The following ADRA1B variants were observed in gnomAD, a reference collection of about 807,000 sequenced individuals.
ADRA1B encodes the protein alpha-1B adrenergic receptor.
ADRA1B carries 17 observed loss-of-function variants against 17.9 expected under a neutral mutation model. The observed-to-expected ratio is 0.95, with a 90% CI of 0.65 to 1.42. ADRA1B has a LOEUF of 1.42. Ranked by LOEUF, ADRA1B falls within the 40% of genes most tolerant of loss-of-function variation. The pLI, the probability that ADRA1B is intolerant of heterozygous loss-of-function variation, is 0.00. For missense variants in ADRA1B, 681 were observed against 722.1 expected (o/e 0.94, Z 0.65); for synonymous variants, 366 against 327.6 (o/e 1.12, Z -1.27).
At chr5:159,981,362 C>T in the ADRA1B span, among the ~76,000 whole-genome samples, 3 of 152,038 alleles carry the variant, frequency 2.0e-5, no homozygotes, top group South Asian at 2.1e-4. Flanking sequence ...AAATGCCTCC[C>T]GGGGGGTAAA....
At chr5:159,896,875 G>A (rs1230323934) in intron 1 of ADRA1B, among the ~76,000 whole-genome samples, 1 of 152,210 alleles carries the variant, frequency 6.6e-6, no homozygotes, top group Non-Finnish European at 1.5e-5. Context: ...CCATGGAAAA[G>A]CACCTAACTC....
chr5:159,929,434 G>GT (rs902377495), intron 1 of ADRA1B, among the ~76,000 whole-genome samples: 10 of 149,456 alleles, frequency 6.7e-5, no homozygotes, highest in Non-Finnish European at 8.9e-5. Context: ...TTTAGTTTGG[G>GT]TTTTTTTTGG....
chr5:159,868,008 T>C (rs187318308), intron 1 of ADRA1B: 1 of 152,220 alleles, frequency 6.6e-6, no homozygotes, highest in Non-Finnish European at 1.5e-5. Flanking sequence ...AGAAGAATCA[T>C]GGCCTCTGTT....
At chr5:159,922,288 TGAATATACTGAAGCTCAGA>T (rs1754506772) in intron 1 of ADRA1B, among the ~76,000 whole-genome samples, 1 of 152,214 alleles carries the variant, frequency 6.6e-6, no homozygotes, top group South Asian at 2.1e-4. Context: ...TTTTTATGGA[TGAATATACTGAAGCTCAGA>T]GAGGTAAAAC....
chr5:159,884,526 C>A (rs938383337), intron 1 of ADRA1B, among the ~76,000 whole-genome samples: 3 of 152,172 alleles, frequency 2.0e-5, no homozygotes, highest in African/African-American at 4.8e-5. Flanking sequence ...CAGATTCAGG[C>A]CCCTTGATCT....
At chr5:159,907,369 T>C (rs1754173305) in intron 1 of ADRA1B, among the ~76,000 whole-genome samples, 1 of 152,352 alleles carries the variant, frequency 6.6e-6, no homozygotes, top group South Asian at 2.1e-4. Context: ...ATAAGATTCT[T>C]GTATTAGAAT....
intron 1 of ADRA1B, among the ~76,000 whole-genome samples, chr5:159,882,498 T>C (rs1341647614): frequency 6.6e-6 from 1 of 152,220 alleles, no homozygotes; most frequent in East Asian, 1.9e-4. Context: ...GGTTCCCAGC[T>C]GTGCTGACTC....
At chr5:159,933,372 C>T (rs978537710) in intron 1 of ADRA1B, among the ~76,000 whole-genome samples, 5 of 152,148 alleles carry the variant, frequency 3.3e-5, no homozygotes, top group African/African-American at 1.2e-4. Flanking sequence ...CGGGAAAGGC[C>T]TCAGATGTAT....
intron 1 of ADRA1B, among the ~76,000 whole-genome samples, chr5:159,894,355 T>C (rs1754019764): frequency 6.6e-6 from 1 of 152,224 alleles, no homozygotes; most frequent in Admixed American, 6.5e-5. Flanking sequence ...ATAGAGAATT[T>C]TTCACATTTT....
chr5:159,869,715 T>C (rs1199807806), intron 1 of ADRA1B: 1 of 152,216 alleles, frequency 6.6e-6, no homozygotes, highest in African/African-American at 2.4e-5. Context: ...ACTGTGCTAC[T>C]TCCTAGCTGT....
chr5:159,958,641 A>G (rs1445900162), intron 1 of ADRA1B, among the ~76,000 whole-genome samples: 1 of 152,190 alleles, frequency 6.6e-6, no homozygotes, highest in Non-Finnish European at 1.5e-5. Flanking sequence ...CACAACAAAA[A>G]CAACAACAAC....
At chr5:159,953,503 A>G (rs1192363847) in intron 1 of ADRA1B, among the ~76,000 whole-genome samples, 1 of 152,112 alleles carries the variant, frequency 6.6e-6, no homozygotes, top group African/African-American at 2.4e-5. Context: ...GAGTGTTCCA[A>G]GGGAGTCACA....
chr5:159,910,737 T>A (rs1016304799), intron 1 of ADRA1B, among the ~76,000 whole-genome samples: 4 of 152,204 alleles, frequency 2.6e-5, no homozygotes, highest in African/African-American at 9.6e-5. Context: ...AATTGTAGTT[T>A]GCAGACTCTG....
At position 159,972,147 on chromosome 5, in the gene ADRA1B, G is replaced by A. The variant is rs1226669552; in HGVS notation, c.1218G>A (p.Ser406=). 7.4e-7 allele frequency: 1 copy of A among 1,360,080 alleles called. No individual in the cohort carries two copies. Among genetic ancestry groups the A allele is most frequent in the Non-Finnish European group, 9.6e-7 (1 of 1,045,894 alleles). The allele number at this position is 1,360,080 out of a possible 1,614,324, so 84.3% of individuals were successfully genotyped here. A position where few individuals can be genotyped will look rare whatever the true frequency, so the allele number is the denominator to read the frequency against. Residue 406 remains serine, a synonymous_variant, in exon 2 of 2, where the codon TCG becomes TCA. Coordinates refer to ENST00000306675, the MANE Select transcript of ADRA1B (RefSeq NM_000679.4). ...SLERSQSRKD[S]LDDSGSCLSG... ...AGCGCTCGCAGTCGCGCAAGGACTC[G>A]CTGGACGACAGCGGCAGCTGCCTGA...
chr5:159,933,823 A>G (rs1754877984), intron 1 of ADRA1B, among the ~76,000 whole-genome samples: 3 of 152,218 alleles, frequency 2.0e-5, no homozygotes, highest in Admixed American at 2.0e-4. Flanking sequence ...TAACAAAATA[A>G]AAGAAAACAC....
chr5:159,973,935 C>T (rs1001844355), downstream of ADRA1B, among the ~76,000 whole-genome samples: 4 of 152,188 alleles, frequency 2.6e-5, no homozygotes, highest in Non-Finnish European at 4.4e-5. Flanking sequence ...CTAGGAGGAA[C>T]GCTCTTCCCC....
At position 159,873,254 on chromosome 5, in the gene ADRA1B, A is replaced by T. The variant is rs189102223; in HGVS notation, c.-256+8048A>T. On this transcript the variant is annotated intron_variant, in intron 1 of 2. Transcript: ENST00000641205. Reference sequence around the variant, plus strand: ...TAAACATAAGTATGCATGTGTCTTTACAGCAGAATGATTTATAATCCTTTG... The same window carrying T: ...TAAACATAAGTATGCATGTGTCTTTTCAGCAGAATGATTTATAATCCTTTG... Among the ~76,000 whole-genome samples the T allele has an allele frequency of 1.8e-3, 270 of 152,254 alleles. 2 individuals carry two copies. Among genetic ancestry groups the T allele is most frequent in the African/African-American group, 6.3e-3 (262 of 41,534 alleles).
intron 1 of ADRA1B, chr5:159,951,108 C>A (rs1187529893): frequency 3.5e-5 from 26 of 741,158 alleles, no homozygotes; most frequent in South Asian, 3.5e-4. Flanking sequence ...ATGCCCATCA[C>A]GAACATGGGG....
intron 1 of ADRA1B, among the ~76,000 whole-genome samples, chr5:159,922,234 A>G (rs567853889): frequency 6.6e-6 from 1 of 152,324 alleles, no homozygotes; most frequent in South Asian, 2.1e-4. Flanking sequence ...ACGTTATCTC[A>G]TTAATCCTCA....
Sources: allele counts gnomAD v4.1 joint callset (sites outside exome capture counted in the v4.1 genomes callset), GRCh38; gene constraint gnomAD v4.1.1; transcripts MANE v1.5; gene names NCBI Gene and HGNC (gene_info 2026-07-23, HGNC 2026-07-21).